TACR1: variants seen among roughly 807,000 people sequenced by gnomAD.
TACR1 encodes substance-P receptor.
A neutral mutation model predicts 35.8 loss-of-function variants in TACR1; 25 were observed. That is an observed-to-expected ratio of 0.70 (90% CI 0.51 to 0.98). The LOEUF (loss-of-function observed/expected upper bound fraction) is 0.98. Among genes scored for constraint, TACR1 ranks in the 50% least tolerant of loss-of-function variants. The probability of loss-of-function intolerance (pLI) is 0.00; values close to 1 mark genes in which losing one functional copy is unlikely to be tolerated. For missense variants in TACR1, 478 were observed against 522.9 expected (o/e 0.91, Z 0.84); for synonymous variants, 195 against 206.7 (o/e 0.94, Z 0.48).
In TACR1 at chr2:75,049,566, C is replaced by A. The variant is rs1672427667; in HGVS notation, c.1090G>T (p.Ala364Ser). 6.2e-7 allele frequency: 1 copy of A among 1,614,036 alleles called. No individual in the cohort carries two copies. The highest frequency in any genetic ancestry group is 1.3e-5 in the African/African-American group (1 of 74,946). ...CCGTCCTCTGGCTCCTCCTCGTGGG[C>A]CCCCACCACTGTGGAGATGGTGGTC... The part of the protein sequence containing the change: ...LETTISTVVG[A>S]HEEEPEDGPK... The change falls in exon 5 of 5, where the codon GCC becomes TCC. Residue 364 changes from alanine (A) to serine (S), a missense_variant. By Grantham distance (99) the Ala-to-Ser change is moderately conservative. Transcript: ENST00000305249.
Position 75,120,829 on chromosome 2 carries a change from C to A in TACR1, c.390-61G>T. ...GTCACCAAAATCTGTATCAGAGATT[C>A]CATATTTTTCCTGCCAATAAGAAAA... On this transcript the variant is annotated intron_variant, in intron 1 of 4. Coordinates refer to ENST00000305249, the MANE Select transcript of TACR1 (RefSeq NM_001058.4). The A allele has an allele frequency of 4.6e-6, 6 of 1,313,372 alleles. No homozygotes were observed. In the South Asian group the frequency reaches 1.0e-4, roughly 23 times the overall value. 81.4% of individuals were successfully genotyped at this position (1,313,372 alleles called of 1,614,324 possible).
At chr2:75,193,560 C>T (rs185153040) in intron 1 of TACR1, among the ~76,000 whole-genome samples, 3 of 152,324 alleles carry the variant, frequency 2.0e-5, no homozygotes, top group South Asian at 2.1e-4. Context: ...GAATTCACTT[C>T]GGTTGAATCA....
At chr2:75,176,919 C>G (rs1675433748) in intron 1 of TACR1, among the ~76,000 whole-genome samples, 1 of 152,188 alleles carries the variant, frequency 6.6e-6, no homozygotes, top group Admixed American at 6.5e-5. Context: ...GTCTCCTGCT[C>G]TCCCTGACCC....
intron 1 of TACR1, among the ~76,000 whole-genome samples, chr2:75,142,412 A>G (rs961523740): frequency 6.6e-6 from 1 of 152,244 alleles, no homozygotes; most frequent in African/African-American, 2.4e-5. Context: ...GTATGTTGCC[A>G]AACCAGAAAC....
chr2:75,173,147 G>A (rs1319088394), intron 1 of TACR1, among the ~76,000 whole-genome samples: 1 of 152,128 alleles, frequency 6.6e-6, no homozygotes, highest in Non-Finnish European at 1.5e-5. Flanking sequence ...CTTTAATCCT[G>A]GAGGAGGTGC....
intron 1 of TACR1, among the ~76,000 whole-genome samples, chr2:75,131,254 A>T (rs1363775200): frequency 6.6e-6 from 1 of 151,868 alleles, no homozygotes; most frequent in Non-Finnish European, 1.5e-5. Context: ...ATGCTTGGCT[A>T]ATTTTTTGTA....
intron 2 of TACR1, among the ~76,000 whole-genome samples, chr2:75,067,374 T>C (rs754175945): frequency 1.4e-4 from 22 of 152,034 alleles, no homozygotes; most frequent in Non-Finnish European, 2.5e-4. Context: ...GCGAGGAACA[T>C]GGGAAGAGGA....
At chr2:75,051,670 C>T (rs1048168228) in intron 3 of TACR1, among the ~76,000 whole-genome samples, 2 of 152,222 alleles carry the variant, frequency 1.3e-5, no homozygotes, top group Non-Finnish European at 2.9e-5. Context: ...GCATCATCAC[C>T]ATCCCCTCAG....
intron 1 of TACR1, among the ~76,000 whole-genome samples, chr2:75,191,251 A>G (rs928209406): frequency 2.6e-5 from 4 of 152,140 alleles, no homozygotes; most frequent in Non-Finnish European, 4.4e-5. Flanking sequence ...TCGTATTTTT[A>G]TATGGTGTGA....
chr2:75,143,994 G>C (rs910896164), intron 1 of TACR1, among the ~76,000 whole-genome samples: 1 of 152,206 alleles, frequency 6.6e-6, no homozygotes, highest in Non-Finnish European at 1.5e-5. Flanking sequence ...CAAAGGAGGA[G>C]GATCAATTCC....
In TACR1 at chr2:75,171,454, G is replaced by T. The variant is rs78444089; in HGVS notation, c.389+27092C>A. 2.1e-3 allele frequency among the ~76,000 whole-genome samples: 317 copies of T among 152,260 alleles called. 7 individuals are homozygous for T. The East Asian group carries it at 0.026, about 12-fold the overall frequency. Reference sequence around the variant, plus strand: ...TAGGGCAGTACAGAGGGAAATGTGGGGGTGATCCCCTACTCAGAGTTCCCA... The same window carrying T: ...TAGGGCAGTACAGAGGGAAATGTGGTGGTGATCCCCTACTCAGAGTTCCCA... On this transcript the variant is annotated intron_variant, in intron 1 of 4. Coordinates refer to ENST00000305249, the MANE Select transcript of TACR1 (RefSeq NM_001058.4).
At chr2:75,094,118 CAT>C (rs940544132) in intron 2 of TACR1, among the ~76,000 whole-genome samples, 4 of 152,164 alleles carry the variant, frequency 2.6e-5, no homozygotes, top group African/African-American at 7.2e-5. Context: ...CTCTTGAAAA[CAT>C]ATTTGTGAGT....
At chr2:75,116,213 T>C (rs1673854973) in intron 2 of TACR1, among the ~76,000 whole-genome samples, 1 of 152,062 alleles carries the variant, frequency 6.6e-6, no homozygotes, top group Non-Finnish European at 1.5e-5. Context: ...CAAGTGATCC[T>C]CCCACCTCAG....
At chr2:75,149,057 C>G (rs1239215264) in intron 1 of TACR1, among the ~76,000 whole-genome samples, 6 of 152,100 alleles carry the variant, frequency 3.9e-5, no homozygotes, top group African/African-American at 7.2e-5. Flanking sequence ...TTTCTGAGGT[C>G]CCTGTTCTGT....
chr2:75,151,022 A>G lies in TACR1; in HGVS notation c.390-30254T>C. Among the ~76,000 whole-genome samples the G allele has an allele frequency of 1.3e-5, 2 of 152,254 alleles. 1 individual carries two copies. Among genetic ancestry groups the G allele is most frequent in the Non-Finnish European group, 2.9e-5 (2 of 68,046 alleles). ...ACTTTGAACTTGAAAGAGCTGATTT[A>G]GGGTATCTGGCAGAAGAAATTTCTA... On this transcript the variant is annotated intron_variant, in intron 1 of 4. Coordinates refer to ENST00000305249, the MANE Select transcript of TACR1 (RefSeq NM_001058.4).
rs191198607 is a variant in TACR1 at position 75,193,263 on chromosome 2, T to A, written c.389+5283A>T. Among the ~76,000 whole-genome samples the A allele has an allele frequency of 7.8e-4, 119 of 152,304 alleles. 1 individual carries two copies. The highest frequency in any genetic ancestry group is 1.2e-4 in the Non-Finnish European group (8 of 68,016). On this transcript the variant is annotated intron_variant, in intron 1 of 4. Transcript: ENST00000305249. ...GACTGAGACACAATGGCAAAGGCAATGTCTTACTGCCTCAGAATATGGCAC... is the reference window on the plus strand; with the variant it reads ...GACTGAGACACAATGGCAAAGGCAAAGTCTTACTGCCTCAGAATATGGCAC...
intron 2 of TACR1, among the ~76,000 whole-genome samples, chr2:75,060,280 C>T (rs1672645936): frequency 6.6e-6 from 1 of 152,190 alleles, no homozygotes; most frequent in East Asian, 1.9e-4. Context: ...AATATAGATA[C>T]AATGTAAAAA....
At chr2:75,123,116 G>C (rs1049130668) in intron 1 of TACR1, among the ~76,000 whole-genome samples, 68 of 73,732 alleles carry the variant, frequency 9.2e-4, no homozygotes, top group Non-Finnish European at 1.6e-3. Flanking sequence ...CTCTTTGAGT[G>C]TTTGTATTAA....
chr2:75,135,526 G>A (rs576579364), intron 1 of TACR1, among the ~76,000 whole-genome samples: 3 of 152,314 alleles, frequency 2.0e-5, no homozygotes, highest in African/African-American at 4.8e-5. Flanking sequence ...CGTGCTATCC[G>A]TGCTACTGGC....
Sources: allele counts gnomAD v4.1 joint callset (sites outside exome capture counted in the v4.1 genomes callset), GRCh38; gene constraint gnomAD v4.1.1; transcripts MANE v1.5; gene names NCBI Gene and HGNC (gene_info 2026-07-23, HGNC 2026-07-21).